The following TMEM65 variants were observed in gnomAD, a reference collection of about 807,000 sequenced individuals.
TMEM65 encodes transmembrane protein 65.
In TMEM65, 22 loss-of-function variants were observed where a neutral mutation model predicts 25.4. The ratio of observed to expected loss-of-function variants is 0.86; its 90% CI spans 0.62 to 1.23. The LOEUF (loss-of-function observed/expected upper bound fraction) is 1.23. Among genes scored for constraint, TMEM65 ranks in the 50% most tolerant of loss-of-function variants. The pLI, the probability that TMEM65 is intolerant of heterozygous loss-of-function variation, is 0.00. For synonymous variants in TMEM65, 132 were observed against 126.2 expected (o/e 1.05, Z -0.31); for missense variants, 262 against 308.2 (o/e 0.85, Z 1.12).
intron 1 of TMEM65, among the ~76,000 whole-genome samples, chr8:124,337,398 A>G (rs1172964041): frequency 6.6e-6 from 1 of 152,040 alleles, no homozygotes; most frequent in Non-Finnish European, 1.5e-5. Context: ...CATAATAAAT[A>G]TTCTGCTTTC....
At chr8:124,360,241 T>A (rs1814841942) in intron 1 of TMEM65, among the ~76,000 whole-genome samples, 1 of 151,986 alleles carries the variant, frequency 6.6e-6, no homozygotes, top group Non-Finnish European at 1.5e-5. Context: ...CCATCCTGGC[T>A]AACATGGTGA....
intron 1 of TMEM65, among the ~76,000 whole-genome samples, chr8:124,359,735 C>G (rs1221746906): frequency 1.3e-5 from 2 of 151,110 alleles, no homozygotes; most frequent in Non-Finnish European, 2.9e-5. Flanking sequence ...GAGCAAGACT[C>G]TGTTTCAAAA....
At position 124,314,080 on chromosome 8, in the gene TMEM65, A is replaced by C. The variant is rs754346812; in HGVS notation, c.622-19T>G. On this transcript the variant is annotated intron_variant, in intron 6 of 6. Coordinates refer to ENST00000297632, the MANE Select transcript of TMEM65 (RefSeq NM_194291.3). ...CTTTGCCCTAAGGAAACAAAAGAGA[A>C]CATTTTTAAAGTTACTTTATCTCTG... The C allele has an allele frequency of 6.3e-7, 1 of 1,595,122 alleles. No individual in the cohort carries two copies. The highest frequency in any genetic ancestry group is 1.1e-5 in the South Asian group (1 of 89,964).
intron 1 of TMEM65, among the ~76,000 whole-genome samples, chr8:124,346,244 G>A (rs1313864580): frequency 2.6e-5 from 4 of 152,056 alleles, no homozygotes; most frequent in African/African-American, 9.7e-5. Context: ...ACACCATAGG[G>A]GAAACCACCC....
intron 1 of TMEM65, among the ~76,000 whole-genome samples, chr8:124,341,340 G>C (rs1007496755): frequency 2.6e-5 from 4 of 151,914 alleles, no homozygotes; most frequent in African/African-American, 9.7e-5. Flanking sequence ...AGAATTTTAT[G>C]TGTGACAAAG....
At chr8:124,318,235 G>T (rs1161675217) in intron 6 of TMEM65, among the ~76,000 whole-genome samples, 1 of 151,968 alleles carries the variant, frequency 6.6e-6, no homozygotes, top group African/African-American at 2.4e-5. Flanking sequence ...TGAGCTTCTA[G>T]ACAGGAACGA....
intron 6 of TMEM65, 46 bp downstream of exon 6, chr8:124,320,040 G>C (rs758078028): frequency 7.3e-5 from 108 of 1,487,550 alleles, no homozygotes; most frequent in Non-Finnish European, 9.9e-5. Flanking sequence ...ACAGAATCTT[G>C]CTCTGGCTAC....
At chr8:124,365,788 T>C (rs1814930725) in intron 1 of TMEM65, among the ~76,000 whole-genome samples, 1 of 152,212 alleles carries the variant, frequency 6.6e-6, no homozygotes. Context: ...CATTCTGCCC[T>C]GGACTCTCTA....
At position 124,320,070 on chromosome 8, in the gene TMEM65, C is replaced by T. The variant is rs1814285526; in HGVS notation, c.621+16G>A. 1.3e-6 allele frequency: 2 copies of T among 1,596,472 alleles called. No individual in the cohort carries two copies. Among genetic ancestry groups the T allele is most frequent in the Non-Finnish European group, 1.7e-6 (2 of 1,165,226 alleles). The stretch of plus-strand genomic sequence containing the variant: ...GGCTACCCAACTCATTATCATAAAC[C>T]ATGTAAATTACTTACCAAATGTGTA... On this transcript the variant is annotated intron_variant, in intron 6 of 6. Coordinates refer to ENST00000297632, the MANE Select transcript of TMEM65 (RefSeq NM_194291.3).
Position 124,342,494 on chromosome 8 carries a change from C to G in TMEM65, c.305-11702G>C, listed in dbSNP as rs570317218. Among the ~76,000 whole-genome samples, 102 of 152,118 alleles carry G rather than the reference C, an allele frequency of 6.7e-4. 2 individuals are homozygous for G. The highest frequency in any genetic ancestry group is 1.8e-4 in the Non-Finnish European group (12 of 67,974). The stretch of plus-strand genomic sequence containing the variant: ...AAATTGTTAAGATATGCAATTTGAA[C>G]GAACTCTATGAGATTAATCCAAGTC... On this transcript the variant is annotated intron_variant, in intron 1 of 6. Coordinates refer to ENST00000297632, the MANE Select transcript of TMEM65 (RefSeq NM_194291.3).
At chr8:124,350,259 CTT>C (rs1814690767) in intron 1 of TMEM65, among the ~76,000 whole-genome samples, 1 of 152,074 alleles carries the variant, frequency 6.6e-6, no homozygotes, top group East Asian at 1.9e-4. Context: ...TTATTTAACT[CTT>C]ATCCCTACAA....
chr8:124,345,601 A>T (rs891628224), intron 1 of TMEM65, among the ~76,000 whole-genome samples: 2 of 152,216 alleles, frequency 1.3e-5, no homozygotes, highest in African/African-American at 4.8e-5. Flanking sequence ...GAGCTCTATT[A>T]TTTAATAGAA....
chr8:124,349,335 A>AC (rs756079241), intron 1 of TMEM65, among the ~76,000 whole-genome samples: 2 of 151,676 alleles, frequency 1.3e-5, no homozygotes, highest in East Asian at 3.9e-4. Context: ...CTTCAGATAC[A>AC]TTTTTTTTAA....
intron 1 of TMEM65, among the ~76,000 whole-genome samples, chr8:124,342,168 A>G (rs1287998198): frequency 2.0e-5 from 3 of 152,060 alleles, no homozygotes; most frequent in Non-Finnish European, 4.4e-5. Context: ...ATGAACTCTC[A>G]TCAGATATTT....
intron 2 of TMEM65, among the ~76,000 whole-genome samples, chr8:124,328,176 C>T (rs1048249543): frequency 9.2e-5 from 14 of 152,006 alleles, no homozygotes; most frequent in Non-Finnish European, 1.5e-4. Context: ...GAGGCTGAGG[C>T]GGGCGGATCA....
At chr8:124,365,991 CAGG>C in intron 1 of TMEM65, among the ~76,000 whole-genome samples, 1 of 152,270 alleles carries the variant, frequency 6.6e-6, no homozygotes, top group East Asian at 1.9e-4. Flanking sequence ...GAGGCCGAGG[CAGG>C]AGGATTGCTT....
chr8:124,333,454 T>A (rs1814460698), intron 1 of TMEM65, among the ~76,000 whole-genome samples: 1 of 127,540 alleles, frequency 7.8e-6, no homozygotes, highest in African/African-American at 3.1e-5. Context: ...GTTCTTTCCA[T>A]CTGTGTGTGT....
In TMEM65 at chr8:124,313,140, CCT is replaced by C. The variant is rs1456338759; in HGVS notation, c.*818_*819del. The C allele has an allele frequency of 1.3e-5, 2 of 151,602 alleles. No homozygotes were observed. Among genetic ancestry groups the C allele is most frequent in the Non-Finnish European group, 3.0e-5 (2 of 67,786 alleles). 9.4% of individuals were successfully genotyped at this position (151,602 alleles called of 1,614,324 possible). A position where few individuals can be genotyped will look rare whatever the true frequency, so the allele number is the denominator to read the frequency against. ...TAATTTCCAAGCATCATGTTAAATC[CCT>C]TAGTTCAATCTAATTCCACAATCCC... On this transcript the variant is annotated 3_prime_UTR_variant, in exon 7 of 7. Transcript: ENST00000297632.
chr8:124,364,514 T>C (rs892582684), intron 1 of TMEM65, among the ~76,000 whole-genome samples: 3 of 152,194 alleles, frequency 2.0e-5, no homozygotes, highest in Non-Finnish European at 4.4e-5. Context: ...AAGAAACTTA[T>C]TGTATTAAAA....
Sources: gnomAD v4.1 joint callset for allele counts (sites outside exome capture counted in the v4.1 genomes callset) on GRCh38, gnomAD v4.1.1 for gene constraint, MANE v1.5 for transcripts, NCBI Gene and HGNC (gene_info 2026-07-23, HGNC 2026-07-21) for gene names.